Variants in IGSF9B observed in about 807,000 individuals in gnomAD.
IGSF9B encodes immunoglobulin superfamily member 9B.
A neutral mutation model predicts 143.7 loss-of-function variants in IGSF9B; 48 were observed. That is an observed-to-expected ratio of 0.33 (90% CI 0.26 to 0.42). IGSF9B has a LOEUF of 0.42. IGSF9B is among the 20% of genes least tolerant of loss of function. IGSF9B has a pLI of 1.00. For missense variants in IGSF9B, 1,706 were observed against 1,980.0 expected (o/e 0.86, Z 2.63); for synonymous variants, 903 against 833.1 (o/e 1.08, Z -1.44).
At chr11:133,939,731 C>G (rs542961551) in intron 3 of IGSF9B, among the ~76,000 whole-genome samples, 39 of 151,988 alleles carry the variant, frequency 2.6e-4, no homozygotes, top group African/African-American at 8.5e-4. Context: ...TGCAAAAACA[C>G]GCACCTCGCA....
intron 16 of IGSF9B, 25 bp from the exon 17 acceptor site, chr11:133,922,247 G>A (rs556295674): frequency 6.2e-7 from 1 of 1,607,012 alleles, no homozygotes; most frequent in Non-Finnish European, 8.5e-7. Context: ...AAGGGGAGAG[G>A]CTGCTGAGGC....
In IGSF9B at chr11:133,907,816, G is replaced by A. The variant is rs577032994; in HGVS notation, c.*1253C>T. ...GTCCCAGGCCCCAGCAGCCAGAGGCGCCCTAGCTTCACCTGAGCTCATCCC... is the reference window on the plus strand; with the variant it reads ...GTCCCAGGCCCCAGCAGCCAGAGGCACCCTAGCTTCACCTGAGCTCATCCC... On this transcript the variant is annotated 3_prime_UTR_variant, in exon 20 of 20. Coordinates refer to ENST00000533871, the MANE Select transcript of IGSF9B (RefSeq NM_001277285.4). Among the ~76,000 whole-genome samples, 208 of 152,294 alleles carry A rather than the reference G, an allele frequency of 1.4e-3. No individual in the cohort carries two copies. Among genetic ancestry groups the A allele is most frequent in the African/African-American group, 4.3e-3 (179 of 41,558 alleles).
At chr11:133,934,835 C>A (rs530122768) in intron 7 of IGSF9B, among the ~76,000 whole-genome samples, 1 of 152,212 alleles carries the variant, frequency 6.6e-6, no homozygotes, top group African/African-American at 2.4e-5. Context: ...GTGAGCAATC[C>A]GCCCACACCA....
chr11:133,920,118 G>T lies in IGSF9B; in HGVS notation c.3607C>A (p.Pro1203Thr), dbSNP rs755292812. The change falls in exon 18 of 20, where the codon CCT (proline) becomes ACT (threonine). Residue 1203 changes from proline (P) to threonine (T), a missense_variant. This residue lies in a region of IGSF9B where 880 missense variants were observed against 762.9 expected (regional missense o/e 1.15). Transcript: ENST00000533871. ...GAGCTGAGGGGGCTTTGGGTCAGAG[G>T]TGAGAGCCGGGAGGGCTGTAGCACC... ...QVVLQPSRLS[P>T]LTQSPLSSRT... 1 of 1,514,800 alleles carries T rather than the reference G, an allele frequency of 6.6e-7. No individual in the cohort carries two copies. Among genetic ancestry groups the T allele is most frequent in the South Asian group, 1.3e-5 (1 of 75,256 alleles). The allele number at this position is 1,514,800 out of a possible 1,614,324, so 93.8% of individuals were successfully genotyped here. A position where few individuals can be genotyped will look rare whatever the true frequency, so the allele number is the denominator to read the frequency against.
intron 17 of IGSF9B, 115 bp from the exon 18 acceptor site, chr11:133,921,512 C>G: frequency 1.3e-6 from 1 of 761,948 alleles, no homozygotes; most frequent in Non-Finnish European, 2.0e-6. Flanking sequence ...CTCAAGAAAA[C>G]TGGCTGTGTA....
chr11:133,909,537 CATTT>C lies in IGSF9B; in HGVS notation c.4106-264_4106-261del, dbSNP rs1939267839. Among the ~76,000 whole-genome samples the C allele has an allele frequency of 6.6e-6, 1 of 152,184 alleles. No homozygotes were observed. Among genetic ancestry groups the C allele is most frequent in the South Asian group, 2.1e-4 (1 of 4,820 alleles). On this transcript the variant is annotated intron_variant, in intron 19 of 19. Transcript: ENST00000533871. The surrounding 1 kb of genome is among the most constrained non-coding windows in gnomAD (Gnocchi z 4.2). ...AATGGAGAGGATTTTCCTTCTCATT[CATTT>C]CTTTCTCGATCAGTCTACAAATATT...
Position 133,920,080 on chromosome 11 carries a change from G to T in IGSF9B, c.3645C>A (p.Ser1215=). The T allele has an allele frequency of 2.0e-6, 3 of 1,532,352 alleles. No homozygotes were observed. In the South Asian group the frequency reaches 3.8e-5, roughly 19 times the overall value. 94.9% of individuals were successfully genotyped at this position (1,532,352 alleles called of 1,614,324 possible). ...TQSPLSSRTG[S]PELAARARPR... is the part of the protein sequence containing the mutation. ...GCCGGGCACGGGCGGCGAGCTCAGG[G>T]GAGCCGGTGCGGGAGCTGAGGGGGC... The change falls in exon 18 of 20, where the codon TCC becomes TCA. Residue 1215 remains serine (S), a synonymous_variant. Coordinates refer to ENST00000533871, the MANE Select transcript of IGSF9B (RefSeq NM_001277285.4).
chr11:133,952,531 G>C (rs1198652502), intron 1 of IGSF9B, among the ~76,000 whole-genome samples: 2 of 152,272 alleles, frequency 1.3e-5, no homozygotes, highest in South Asian at 4.1e-4. Context: ...GCCACTCCAC[G>C]CACGTGCACA....
In IGSF9B at chr11:133,921,178, G is replaced by A; in HGVS notation, c.2547C>T (p.Leu849=). The change falls in exon 18 of 20, where the codon CTC becomes CTT. Residue 849 remains leucine, a synonymous_variant. Transcript: ENST00000533871. ...AEAEATTPIE[L]ISRGPDGRFV... ...AGCGGCCGTCAGGGCCTCTGCTGAT[G>A]AGCTCGATGGGCGTGGTGGCCTCTG... 1 of 1,609,768 alleles carries A rather than the reference G, an allele frequency of 6.2e-7. No individual in the cohort carries two copies. Among genetic ancestry groups the A allele is most frequent in the South Asian group, 1.1e-5 (1 of 91,024 alleles).
Position 133,902,364 on chromosome 11 carries a change from TAG to T in IGSF9B, c.*6703_*6704del, listed in dbSNP as rs1440762377. 1.8e-5 allele frequency among the ~76,000 whole-genome samples: 2 copies of T among 110,576 alleles called. No individual in the cohort carries two copies. The highest frequency in any genetic ancestry group is 3.1e-4 in the South Asian group (1 of 3,186). 72.5% of individuals were successfully genotyped at this position (110,576 alleles called of 152,430 possible). A position where few individuals can be genotyped will look rare whatever the true frequency, so the allele number is the denominator to read the frequency against. On this transcript the variant is annotated 3_prime_UTR_variant, in exon 20 of 20. Transcript: ENST00000533871. ...CCCACACACATACACAACCACACAATAGACACACCACACACAACACACCACAC... is the reference window on the plus strand; with the variant it reads ...CCCACACACATACACAACCACACAATACACACCACACACAACACACCACAC...
chr11:133,929,589 C>A (rs376180977), intron 12 of IGSF9B, 82 bp downstream of exon 12: 67 of 1,031,228 alleles, frequency 6.5e-5, no homozygotes, highest in Non-Finnish European at 7.4e-5. Flanking sequence ...TACCTCCCCC[C>A]ACCCGGGGTA....
At chr11:133,939,610 A>G (rs2121325799) in intron 3 of IGSF9B, among the ~76,000 whole-genome samples, 2 of 152,376 alleles carry the variant, frequency 1.3e-5, no homozygotes, top group East Asian at 3.9e-4. Flanking sequence ...GAGCAAGGCC[A>G]CAGCTAGACC....
Position 133,954,966 on chromosome 11 carries a change from C to T in IGSF9B, c.64+1725G>A, listed in dbSNP as rs574324004. Reference sequence around the variant, plus strand: ...TGCGTGTTGCTGCAGTATAAACTCACATTCCTTTATTCTGGGCTGAAACTT... The same window carrying T: ...TGCGTGTTGCTGCAGTATAAACTCATATTCCTTTATTCTGGGCTGAAACTT... On this transcript the variant is annotated intron_variant, in intron 1 of 19. Coordinates refer to ENST00000533871, the MANE Select transcript of IGSF9B (RefSeq NM_001277285.4). 3.2e-4 allele frequency among the ~76,000 whole-genome samples: 49 copies of T among 152,358 alleles called. No individual in the cohort carries two copies. In the South Asian group the frequency reaches 9.9e-3, roughly 31 times the overall value.
Position 133,921,316 on chromosome 11 carries a change from G to A in IGSF9B, c.2409C>T (p.Pro803=), listed in dbSNP as rs190045996. The A allele has an allele frequency of 1.4e-3, 2,291 of 1,602,644 alleles. 1 individual carries two copies. Among genetic ancestry groups the A allele is most frequent in the Non-Finnish European group, 1.8e-3 (2,094 of 1,173,664 alleles). ...TGGGGCTCAGCATCCTCTTGGCCGC[G>A]GGCTGGCCCTGGTCGTCGGAGGATT... ...PSESSDDQGQ[P]AAKRMLSPTR... Residue 803 remains proline (P), a synonymous_variant, in exon 18 of 20, where the codon CCC becomes CCT. Coordinates refer to ENST00000533871, the MANE Select transcript of IGSF9B (RefSeq NM_001277285.4).
chr11:133,934,504 CT>C (rs1939787815), intron 7 of IGSF9B, among the ~76,000 whole-genome samples: 2 of 152,246 alleles, frequency 1.3e-5, no homozygotes, highest in African/African-American at 4.8e-5. Flanking sequence ...GACCTCACGG[CT>C]CTCTAAAGCT....
chr11:133,933,982 G>GTTT (rs35234689), intron 7 of IGSF9B, among the ~76,000 whole-genome samples: 1 of 145,450 alleles, frequency 6.9e-6, no homozygotes. Context: ...GTATGGTAGA[G>GTTT]TTTTTTTTTT....
At chr11:133,921,462 T>C in intron 17 of IGSF9B, 65 bp from the exon 18 acceptor site, 10 of 1,276,478 alleles carry the variant, frequency 7.8e-6, no homozygotes, top group Non-Finnish European at 1.0e-5. Context: ...GGACTTCCTT[T>C]CCCTCTCTCG....
At chr11:133,943,236 C>T (rs965074801) in intron 3 of IGSF9B, among the ~76,000 whole-genome samples, 2 of 152,206 alleles carry the variant, frequency 1.3e-5, no homozygotes, top group South Asian at 2.1e-4. Flanking sequence ...TGCCACACAA[C>T]GGTGGCTAGA....
intron 1 of IGSF9B, among the ~76,000 whole-genome samples, chr11:133,949,541 A>G (rs1267824431): frequency 6.6e-6 from 1 of 152,202 alleles, no homozygotes; most frequent in Non-Finnish European, 1.5e-5. Context: ...ACCCACATCC[A>G]GGAGCAAAAG....
Sources: allele counts gnomAD v4.1 joint callset (sites outside exome capture counted in the v4.1 genomes callset), GRCh38; gene constraint gnomAD v4.1.1; regional missense constraint gnomAD v4.1.1; non-coding constraint Gnocchi (gnomAD v3.1); transcripts MANE v1.5; gene names NCBI Gene and HGNC (gene_info 2026-07-23, HGNC 2026-07-21).